PMFBP1: variants seen among roughly 807,000 people sequenced by gnomAD.
PMFBP1 encodes the protein polyamine-modulated factor 1-binding protein 1.
Under a neutral mutation model 137.8 loss-of-function variants are expected in PMFBP1, and 131 were observed. The ratio of observed to expected loss-of-function variants is 0.95; its 90% CI spans 0.82 to 1.10. The LOEUF (loss-of-function observed/expected upper bound fraction) is 1.10, where lower values mean the gene tolerates loss of function less well. Ranked by LOEUF, PMFBP1 falls within the 50% of genes least tolerant of loss-of-function variation. The pLI, the probability that PMFBP1 is intolerant of heterozygous loss-of-function variation, is 0.00. For synonymous variants in PMFBP1, 490 were observed against 450.4 expected (o/e 1.09, Z -1.11); for missense variants, 1,199 against 1,175.4 (o/e 1.02, Z -0.29).
chr16:72,207,130 G>A, the PMFBP1 span, among the ~76,000 whole-genome samples: 1 of 152,118 alleles, frequency 6.6e-6, no homozygotes, highest in Non-Finnish European at 1.5e-5. Context: ...GGAGACAGAT[G>A]GGATGAACTA....
intron 19 of PMFBP1, among the ~76,000 whole-genome samples, chr16:72,122,265 C>T (rs966734042): frequency 4.6e-5 from 7 of 152,274 alleles, no homozygotes; most frequent in Non-Finnish European, 2.9e-5. Context: ...CATGGTGTTA[C>T]GTAAGGCATG....
At chr16:72,155,822 C>T (rs1232185763) in intron 3 of PMFBP1, among the ~76,000 whole-genome samples, 3 of 151,792 alleles carry the variant, frequency 2.0e-5, no homozygotes, top group African/African-American at 4.8e-5. Context: ...TTTCTATCAA[C>T]CCCCCACGTT....
intron 9 of PMFBP1, among the ~76,000 whole-genome samples, chr16:72,134,571 A>G (rs1021214663): frequency 6.6e-6 from 1 of 152,154 alleles, no homozygotes; most frequent in African/African-American, 2.4e-5. Flanking sequence ...AAAAGGAGGG[A>G]GTCCTTACAA....
At chr16:72,229,766 T>C in the PMFBP1 span, among the ~76,000 whole-genome samples, 1 of 152,210 alleles carries the variant, frequency 6.6e-6, no homozygotes, top group South Asian at 2.1e-4. Context: ...GTCTCTCCTG[T>C]GTCCATTAGG....
the PMFBP1 span, among the ~76,000 whole-genome samples, chr16:72,230,506 C>T: frequency 6.6e-6 from 1 of 152,176 alleles, no homozygotes; most frequent in African/African-American, 2.4e-5. Flanking sequence ...GACCAACTGC[C>T]TAGATGGTCC....
intron 9 of PMFBP1, among the ~76,000 whole-genome samples, chr16:72,134,038 AC>A (rs1323814374): frequency 6.6e-6 from 1 of 152,096 alleles, no homozygotes; most frequent in Non-Finnish European, 1.5e-5. Flanking sequence ...AATCGCTTGA[AC>A]CTGGGAGGTT....
the PMFBP1 span, among the ~76,000 whole-genome samples, chr16:72,240,447 T>C: frequency 6.6e-6 from 1 of 152,274 alleles, no homozygotes; most frequent in African/African-American, 2.4e-5. Context: ...TGCCTTCTAA[T>C]AGAATTCCTG....
the PMFBP1 span, among the ~76,000 whole-genome samples, chr16:72,202,329 T>C: frequency 2.6e-5 from 4 of 152,228 alleles, no homozygotes; most frequent in Non-Finnish European, 5.9e-5. Flanking sequence ...TCTTCACTGA[T>C]GTATCTCTTT....
intron 5 of PMFBP1, among the ~76,000 whole-genome samples, chr16:72,143,201 C>T (rs547890672): frequency 2.6e-5 from 4 of 152,172 alleles, no homozygotes; most frequent in African/African-American, 9.6e-5. Flanking sequence ...TGAAAATAAG[C>T]CAAGAACAGG....
chr16:72,221,613 A>G, the PMFBP1 span, among the ~76,000 whole-genome samples: 1 of 152,098 alleles, frequency 6.6e-6, no homozygotes, highest in East Asian at 1.9e-4. Flanking sequence ...CTGGAGGGAG[A>G]GTATGGGGAA....
upstream of PMFBP1, among the ~76,000 whole-genome samples, chr16:72,175,180 T>C (rs1402959770): frequency 2.6e-5 from 4 of 152,246 alleles, no homozygotes; most frequent in African/African-American, 9.6e-5. Context: ...TCACTAAACC[T>C]ATCTGGGAAT....
At chr16:72,159,444 G>T (rs2043029099) in intron 3 of PMFBP1, among the ~76,000 whole-genome samples, 1 of 152,220 alleles carries the variant, frequency 6.6e-6, no homozygotes, top group Non-Finnish European at 1.5e-5. Flanking sequence ...CTAGCCAGAT[G>T]ATGAGATTTT....
the PMFBP1 span, among the ~76,000 whole-genome samples, chr16:72,215,786 A>G: frequency 6.6e-6 from 1 of 152,220 alleles, no homozygotes; most frequent in Admixed American, 6.5e-5. Flanking sequence ...TTTGGCTCAT[A>G]CAAAAGGTTG....
chr16:72,154,157 A>C (rs1231419277), intron 4 of PMFBP1, 54 bp downstream of exon 4: 1 of 1,593,014 alleles, frequency 6.3e-7, no homozygotes, highest in Non-Finnish European at 8.6e-7. Context: ...GCTTGGTCTG[A>C]TTTCTGCAGG....
chr16:72,200,273 T>C, the PMFBP1 span, among the ~76,000 whole-genome samples: 1 of 152,268 alleles, frequency 6.6e-6, no homozygotes, highest in East Asian at 1.9e-4. Flanking sequence ...TACTATCCTT[T>C]AACTGGCAGA....
the PMFBP1 span, among the ~76,000 whole-genome samples, chr16:72,194,945 G>C: frequency 3.3e-5 from 5 of 152,218 alleles, no homozygotes; most frequent in African/African-American, 1.2e-4. Flanking sequence ...CATCAATTTA[G>C]ATGCATCAAT....
chr16:72,183,327 G>C, the PMFBP1 span, among the ~76,000 whole-genome samples: 2 of 152,194 alleles, frequency 1.3e-5, no homozygotes, highest in Admixed American at 1.3e-4. Flanking sequence ...TGGCTCCAGA[G>C]GCTGGGAGTC....
chr16:72,224,868 A>G, the PMFBP1 span: 1 of 152,350 alleles, frequency 6.6e-6, no homozygotes, highest in South Asian at 2.1e-4. Context: ...CCCTAAAGAT[A>G]TGAACAAGGC....
intron 20 of PMFBP1, 197 bp from the exon 21 acceptor site, chr16:72,119,551 T>C: frequency 1.4e-6 from 2 of 1,453,656 alleles, no homozygotes; most frequent in East Asian, 2.5e-5. Flanking sequence ...TCTTACGGGG[T>C]TTCCAGACGT....
Sources: allele counts gnomAD v4.1 joint callset (sites outside exome capture counted in the v4.1 genomes callset), GRCh38; gene constraint gnomAD v4.1.1; transcripts MANE v1.5; gene names NCBI Gene and HGNC (gene_info 2026-07-23, HGNC 2026-07-21).